The following DNAJC15 variants were observed in gnomAD, a reference collection of about 807,000 sequenced individuals.
DNAJC15 encodes the protein dnaJ homolog subfamily C member 15.
Under a neutral mutation model 22.4 loss-of-function variants are expected in DNAJC15, and 27 were observed. That is an observed-to-expected ratio of 1.20 (90% CI 0.89 to 1.66). The LOEUF is 1.66. DNAJC15 is among the 40% of genes most tolerant of loss of function. DNAJC15 has a pLI of 0.00. For missense variants in DNAJC15, 208 were observed against 187.1 expected (o/e 1.11, Z -0.65); for synonymous variants, 79 against 63.2 (o/e 1.25, Z -1.19).
At position 43,088,420 on chromosome 13, in the gene DNAJC15, T is replaced by G. The variant is rs530336615; in HGVS notation, c.382+2582T>G. Among the ~76,000 whole-genome samples, 7 of 152,326 alleles carry G rather than the reference T, an allele frequency of 4.6e-5. No homozygotes were observed. In the South Asian group the frequency reaches 1.4e-3, roughly 32 times the overall value. ...GCTCTCCTTCAAGACTTTTAGTGAT[T>G]AAGAGCTTCCTGTTTCACAAGGCAG... On this transcript the variant is annotated intron_variant, in intron 5 of 5. Coordinates refer to ENST00000379221, the MANE Select transcript of DNAJC15 (RefSeq NM_013238.3).
chr13:43,084,178 A>T (rs1255056096), intron 4 of DNAJC15, among the ~76,000 whole-genome samples: 1 of 152,216 alleles, frequency 6.6e-6, no homozygotes, highest in Non-Finnish European at 1.5e-5. Flanking sequence ...TTGAGAGTTT[A>T]ATTGGTAATA....
At chr13:43,026,248 A>G (rs972734449) in intron 1 of DNAJC15, among the ~76,000 whole-genome samples, 3 of 152,332 alleles carry the variant, frequency 2.0e-5, no homozygotes. Flanking sequence ...TAATAATGAT[A>G]TATTTATATA....
At chr13:43,078,415 AAGTT>A (rs1373278854) in intron 3 of DNAJC15, among the ~76,000 whole-genome samples, 193 bp from the exon 4 acceptor site, 1 of 152,166 alleles carries the variant, frequency 6.6e-6, no homozygotes, top group African/African-American at 2.4e-5. Flanking sequence ...AAGTGAAAAA[AAGTT>A]AGTATTTTTT....
intron 5 of DNAJC15, among the ~76,000 whole-genome samples, chr13:43,099,820 GC>G (rs1279000695): frequency 2.0e-5 from 3 of 151,910 alleles, no homozygotes; most frequent in African/African-American, 7.2e-5. Flanking sequence ...TTTATATGTT[GC>G]TGGGTTTGGT....
At chr13:43,062,765 C>G (rs1348100402) in intron 1 of DNAJC15, among the ~76,000 whole-genome samples, 3 of 152,214 alleles carry the variant, frequency 2.0e-5, no homozygotes, top group African/African-American at 7.2e-5. Flanking sequence ...GTTGCCCAGG[C>G]TGGAGTGCAA....
chr13:43,097,881 G>A (rs2040748648), intron 5 of DNAJC15, among the ~76,000 whole-genome samples: 2 of 152,170 alleles, frequency 1.3e-5, no homozygotes, highest in Admixed American at 6.5e-5. Flanking sequence ...AGGTTGCGGT[G>A]AGCCAAGATC....
rs2040824009 is a variant in DNAJC15 at position 43,111,401 on chromosome 13, ATGAT to A, written c.*4158_*4161del. 6.6e-6 allele frequency: 1 copy of A among 152,196 alleles called. No homozygotes were observed. Among genetic ancestry groups the A allele is most frequent in the East Asian group, 1.9e-4 (1 of 5,200 alleles). The allele number at this position is 152,196 out of a possible 1,614,324, so 9.4% of individuals were successfully genotyped here. Reference sequence around the variant, plus strand: ...AAGAGTTGCATTAATGGGCGTGCTTATGATTGATCACCCAGCAGCATCATTAGAA... The same window carrying A: ...AAGAGTTGCATTAATGGGCGTGCTTATGATCACCCAGCAGCATCATTAGAA... On this transcript the variant is annotated 3_prime_UTR_variant, in exon 6 of 6. Transcript: ENST00000379221.
At chr13:43,043,280 G>A (rs1053979399) in intron 1 of DNAJC15, among the ~76,000 whole-genome samples, 1 of 152,090 alleles carries the variant, frequency 6.6e-6, no homozygotes, top group African/African-American at 2.4e-5. Flanking sequence ...GCTAATTTTT[G>A]TATTTTTAGT....
At chr13:43,024,980 G>A (rs1050280779) in intron 1 of DNAJC15, among the ~76,000 whole-genome samples, 29 of 151,242 alleles carry the variant, frequency 1.9e-4, no homozygotes, top group Admixed American at 4.6e-4. Context: ...AGAATCACTT[G>A]AGCCCAGGAG....
chr13:43,052,566 G>A (rs2040510395), intron 1 of DNAJC15, among the ~76,000 whole-genome samples: 1 of 151,632 alleles, frequency 6.6e-6, no homozygotes, highest in Non-Finnish European at 1.5e-5. Flanking sequence ...ACAGGTGCCT[G>A]CCACTACACC....
chr13:43,064,084 G>T (rs2040571886), intron 1 of DNAJC15, among the ~76,000 whole-genome samples: 1 of 152,158 alleles, frequency 6.6e-6, no homozygotes, highest in Non-Finnish European at 1.5e-5. Flanking sequence ...TCGCTCCTCT[G>T]CCAGGGAATG....
chr13:43,106,342 A>G (rs2040796814), intron 5 of DNAJC15, among the ~76,000 whole-genome samples: 2 of 152,172 alleles, frequency 1.3e-5, no homozygotes, highest in South Asian at 2.1e-4. Context: ...TAGAAGGTAT[A>G]TGATGTTTAG....
At chr13:43,052,992 A>G (rs755475382) in intron 1 of DNAJC15, among the ~76,000 whole-genome samples, 4 of 152,260 alleles carry the variant, frequency 2.6e-5, no homozygotes, top group East Asian at 1.9e-4. Context: ...GCCTAAACCA[A>G]TGTTTGGAAG....
At chr13:43,048,172 CTAAAG>C (rs1232284635) in intron 1 of DNAJC15, among the ~76,000 whole-genome samples, 1 of 152,110 alleles carries the variant, frequency 6.6e-6, no homozygotes, top group Non-Finnish European at 1.5e-5. Context: ...CAAGTGTACT[CTAAAG>C]TAATGAATTT....
In DNAJC15 at chr13:43,107,481, T is replaced by G. The variant is rs2040803058; in HGVS notation, c.*233T>G. The G allele has an allele frequency of 3.3e-6, 1 of 301,732 alleles. No individual in the cohort carries two copies. Among genetic ancestry groups the G allele is most frequent in the South Asian group, 9.2e-5 (1 of 10,812 alleles). 18.7% of individuals were successfully genotyped at this position (301,732 alleles called of 1,614,324 possible). On this transcript the variant is annotated 3_prime_UTR_variant, in exon 6 of 6. Coordinates refer to ENST00000379221, the MANE Select transcript of DNAJC15 (RefSeq NM_013238.3). ...CTTTTTTCTTATTTTGTTTGTGACA[T>G]TCATACATTTTTAAGATTTTTGTTA...
At chr13:43,089,902 T>G (rs1340786359) in intron 5 of DNAJC15, among the ~76,000 whole-genome samples, 2 of 152,222 alleles carry the variant, frequency 1.3e-5, no homozygotes, top group Non-Finnish European at 2.9e-5. Context: ...TTTGCCAGCC[T>G]TTGCACTGAT....
chr13:43,089,029 T>C (rs901105668), intron 5 of DNAJC15, among the ~76,000 whole-genome samples: 10 of 152,338 alleles, frequency 6.6e-5, no homozygotes, highest in Middle Eastern at 3.4e-3. Flanking sequence ...GAACGTGGCT[T>C]ACTCTTCTTT....
chr13:43,077,117 A>C (rs913870211), intron 3 of DNAJC15, among the ~76,000 whole-genome samples: 1 of 152,224 alleles, frequency 6.6e-6, no homozygotes, highest in African/African-American at 2.4e-5. Context: ...GTCTGATGTT[A>C]AGTCAGACAT....
intron 1 of DNAJC15, among the ~76,000 whole-genome samples, chr13:43,034,264 C>T (rs2153439534): frequency 7.2e-6 from 1 of 138,806 alleles, no homozygotes; most frequent in East Asian, 2.1e-4. Context: ...GTAGAGTAAT[C>T]TGTCAGATTA....
Sources: allele counts gnomAD v4.1 joint callset (sites outside exome capture counted in the v4.1 genomes callset), GRCh38; gene constraint gnomAD v4.1.1; transcripts MANE v1.5; gene names NCBI Gene and HGNC (gene_info 2026-07-23, HGNC 2026-07-21).